Variants in REDIC1 observed in about 807,000 individuals in gnomAD.
REDIC1 encodes HEI10 Interacting Protein 1.
the REDIC1 span, among the ~76,000 whole-genome samples, chr12:39,895,212 A>G: frequency 2.0e-5 from 3 of 151,842 alleles, no homozygotes; most frequent in African/African-American, 7.3e-5. Context: ...TCCTAAATGT[A>G]CCTCAGGATG....
chr12:39,693,416 ATT>A, the REDIC1 span, among the ~76,000 whole-genome samples: 2 of 140,140 alleles, frequency 1.4e-5, no homozygotes, highest in African/African-American at 5.2e-5. Flanking sequence ...CAACATGAGT[ATT>A]TTTTTTTTTT....
At chr12:39,635,114 A>T in the REDIC1 span, among the ~76,000 whole-genome samples, 2 of 152,196 alleles carry the variant, frequency 1.3e-5, no homozygotes, top group African/African-American at 2.4e-5. Flanking sequence ...TGCCAGTTAG[A>T]ATGGTGATCA....
the REDIC1 span, among the ~76,000 whole-genome samples, chr12:39,724,908 T>G: frequency 6.6e-6 from 1 of 152,058 alleles, no homozygotes; most frequent in Admixed American, 6.6e-5. Flanking sequence ...AATTGAAGTA[T>G]CAACAGTATA....
the REDIC1 span, chr12:39,759,943 T>G: frequency 3.0e-6 from 3 of 989,228 alleles, no homozygotes; most frequent in Non-Finnish European, 4.6e-6. Context: ...AGAACCAGAT[T>G]AGAAGCAGGG....
At chr12:39,858,176 G>A in the REDIC1 span, among the ~76,000 whole-genome samples, 1 of 152,208 alleles carries the variant, frequency 6.6e-6, no homozygotes. Context: ...AGCACACTGG[G>A]TATTTATTTA....
chr12:39,724,543 A>G, the REDIC1 span, among the ~76,000 whole-genome samples: 4 of 152,246 alleles, frequency 2.6e-5, no homozygotes, highest in South Asian at 2.1e-4. Flanking sequence ...CAAACAAACT[A>G]TATGTACTTG....
the REDIC1 span, among the ~76,000 whole-genome samples, chr12:39,699,956 G>A: frequency 6.6e-6 from 1 of 152,088 alleles, no homozygotes; most frequent in African/African-American, 2.4e-5. Context: ...CATCATCAAA[G>A]ACCAAAAGTA....
At chr12:39,776,439 G>T in the REDIC1 span, among the ~76,000 whole-genome samples, 2 of 152,178 alleles carry the variant, frequency 1.3e-5, no homozygotes, top group Non-Finnish European at 2.9e-5. Flanking sequence ...CCTAGGAAGC[G>T]GCTTGGCAAG....
At chr12:39,683,483 A>T in the REDIC1 span, 6 of 1,586,444 alleles carry the variant, frequency 3.8e-6, no homozygotes, top group Non-Finnish European at 5.2e-6. Flanking sequence ...AGCAAACTCT[A>T]TGTAAGTTTT....
the REDIC1 span, among the ~76,000 whole-genome samples, chr12:39,790,479 T>C: frequency 4.0e-5 from 6 of 150,938 alleles, no homozygotes; most frequent in South Asian, 4.2e-4. Context: ...GTTTGGTTTT[T>C]TGTTCTTGTG....
the REDIC1 span, among the ~76,000 whole-genome samples, chr12:39,681,704 A>G: frequency 1.3e-5 from 2 of 152,206 alleles, no homozygotes; most frequent in East Asian, 1.9e-4. Context: ...TGGGTAAAAC[A>G]TTAATCTCTC....
At chr12:39,787,297 A>T in the REDIC1 span, among the ~76,000 whole-genome samples, 15 of 152,230 alleles carry the variant, frequency 9.9e-5, no homozygotes, top group African/African-American at 3.4e-4. Context: ...AATGCTTAGC[A>T]TGAAATGAAA....
At chr12:39,799,891 A>C in the REDIC1 span, among the ~76,000 whole-genome samples, 2 of 152,228 alleles carry the variant, frequency 1.3e-5, no homozygotes, top group African/African-American at 4.8e-5. Flanking sequence ...AGAGAGAATC[A>C]AATTTACAAC....
the REDIC1 span, among the ~76,000 whole-genome samples, chr12:39,713,487 C>T: frequency 2.0e-5 from 3 of 149,508 alleles, no homozygotes; most frequent in Non-Finnish European, 4.5e-5. Context: ...TACATTTATA[C>T]ATTTGTACAC....
chr12:39,754,041 C>T, the REDIC1 span, among the ~76,000 whole-genome samples: 1 of 152,104 alleles, frequency 6.6e-6, no homozygotes, highest in Admixed American at 6.6e-5. Context: ...CACTCTTTTA[C>T]AATGCAAGGA....
At chr12:39,829,895 A>T in the REDIC1 span, 1 of 617,954 alleles carries the variant, frequency 1.6e-6, no homozygotes, top group Non-Finnish European at 2.7e-6. Flanking sequence ...TGGGTCTCCA[A>T]AAGTCTAGGC....
the REDIC1 span, among the ~76,000 whole-genome samples, chr12:39,859,333 GAAAAA>G: frequency 1.6e-5 from 1 of 62,012 alleles, no homozygotes; most frequent in African/African-American, 7.1e-5. Flanking sequence ...TTTTTTTTCT[GAAAAA>G]AAAAAAAAAA....
chr12:39,747,281 A>G, the REDIC1 span, among the ~76,000 whole-genome samples: 1 of 152,270 alleles, frequency 6.6e-6, no homozygotes, highest in Non-Finnish European at 1.5e-5. Context: ...TGACGAATGC[A>G]CAAGCTTCAG....
At chr12:39,707,245 G>A in the REDIC1 span, among the ~76,000 whole-genome samples, 1 of 151,564 alleles carries the variant, frequency 6.6e-6, no homozygotes, top group Admixed American at 6.6e-5. Flanking sequence ...ATGGCAAAGG[G>A]GCATATGAAA....
Sources: gnomAD v4.1 joint callset for allele counts (sites outside exome capture counted in the v4.1 genomes callset) on GRCh38, gnomAD v4.1.1 for gene constraint, MANE v1.5 for transcripts, NCBI Gene and HGNC (gene_info 2026-07-23, HGNC 2026-07-21) for gene names.